C18orf63: variants seen among roughly 807,000 people sequenced by gnomAD.
C18orf63 encodes the protein chromosome 18 open reading frame 63, also known as uncharacterized protein C18orf63.
Under a neutral mutation model 75.3 loss-of-function variants are expected in C18orf63, and 50 were observed. The ratio of observed to expected loss-of-function variants is 0.66; its 90% CI spans 0.53 to 0.84. C18orf63 has a LOEUF of 0.84. C18orf63 is among the 40% of genes least tolerant of loss of function. C18orf63 has a pLI of 0.00. For missense variants in C18orf63, 732 were observed against 800.2 expected, an observed-to-expected ratio of 0.91 and a Z score of 1.03; for synonymous variants, 232 against 267.6, an observed-to-expected ratio of 0.87 and a Z score of 1.30.
At chr18:74,328,974 A>C (rs1364821964) in intron 5 of C18orf63, 21 bp from the exon 6 acceptor site, 1 of 1,382,986 alleles carries the variant, frequency 7.2e-7, no homozygotes, top group Non-Finnish European at 9.9e-7. Flanking sequence ...ATAACATGGC[A>C]TATTCTATGA....
chr18:74,329,879 C>T (rs1984274552), intron 6 of C18orf63, among the ~76,000 whole-genome samples: 1 of 152,136 alleles, frequency 6.6e-6, no homozygotes, highest in South Asian at 2.1e-4. Flanking sequence ...CCTGAGTCAC[C>T]ACCGTAGACA....
intron 11 of C18orf63, among the ~76,000 whole-genome samples, chr18:74,351,188 T>A (rs137878437): frequency 6.6e-6 from 1 of 152,170 alleles, no homozygotes; most frequent in Non-Finnish European, 1.5e-5. Context: ...TTGGGGACTT[T>A]CCGTTTTTCC....
intron 13 of C18orf63, 135 bp downstream of exon 13, chr18:74,354,681 G>A (rs968743316): frequency 1.7e-5 from 10 of 578,822 alleles, no homozygotes; most frequent in Non-Finnish European, 3.1e-5. Context: ...CAAAGAAATA[G>A]GACATGGTGG....
chr18:74,331,824 TC>T (rs1437997718), intron 7 of C18orf63, among the ~76,000 whole-genome samples: 2 of 152,180 alleles, frequency 1.3e-5, no homozygotes, highest in African/African-American at 4.8e-5. Context: ...CAAATGCTAC[TC>T]CTCTATTCAT....
chr18:74,358,293 T>C lies in C18orf63; in HGVS notation c.*1846T>C, dbSNP rs994139409. 6 of 147,552 alleles carry C rather than the reference T, an allele frequency of 4.1e-5. No individual in the cohort carries two copies. The highest frequency in any genetic ancestry group is 1.2e-4 in the African/African-American group (5 of 40,286). 9.1% of individuals were successfully genotyped at this position (147,552 alleles called of 1,614,324 possible). ...GGCAAAACCTGCCATGTTTAGTGTA[T>C]TTTTTTGTATAAAGTAGGTTTGATT... On this transcript the variant is annotated 3_prime_UTR_variant, in exon 14 of 14. Coordinates refer to ENST00000579455, the MANE Select transcript of C18orf63 (RefSeq NM_001174123.2).
At position 74,338,458 on chromosome 18, in the gene C18orf63, A is replaced by G. The variant is rs79774985; in HGVS notation, c.502-257A>G. Among the ~76,000 whole-genome samples, 2,244 of 152,214 alleles carry G rather than the reference A, an allele frequency of 0.015. 90 individuals carry two copies. In the East Asian group the frequency reaches 0.17, roughly 11 times the overall value. ...AAAAACCACCTGAAAACCAACTAAA[A>G]TCACTGCAAAATAGGAGTTTGGGCT... On this transcript the variant is annotated intron_variant, in intron 7 of 13. Coordinates refer to ENST00000579455, the MANE Select transcript of C18orf63 (RefSeq NM_001174123.2).
Position 74,354,270 on chromosome 18 carries a change from T to TAA in C18orf63, c.2001+11_2001+12dup. On this transcript the variant is annotated splice_region_variant and intron_variant, in intron 12 of 13. Coordinates refer to ENST00000579455, the MANE Select transcript of C18orf63 (RefSeq NM_001174123.2). ...CAATCCAGTTCTTCTAAGAAGCAGGTAAAAAAAAAATTAATCTGGCACTAC... is the reference window on the plus strand; with the variant it reads ...CAATCCAGTTCTTCTAAGAAGCAGGTAAAAAAAAAAAATTAATCTGGCACTAC... The TAA allele has an allele frequency of 6.9e-7, 1 of 1,439,736 alleles. No individual in the cohort carries two copies. The highest frequency in any genetic ancestry group is 9.2e-7 in the Non-Finnish European group (1 of 1,091,390). The allele number at this position is 1,439,736 out of a possible 1,614,324, so 89.2% of individuals were successfully genotyped here.
chr18:74,354,585 T>C (rs1377765692), intron 13 of C18orf63, 39 bp downstream of exon 13: 1 of 1,046,992 alleles, frequency 9.6e-7, no homozygotes, highest in Non-Finnish European at 1.4e-6. Context: ...TTTTACATTA[T>C]CTGAATTGGG....
At chr18:74,347,965 A>G (rs577425956) in intron 11 of C18orf63, among the ~76,000 whole-genome samples, 1 of 152,084 alleles carries the variant, frequency 6.6e-6, no homozygotes, top group South Asian at 2.1e-4. Flanking sequence ...TATGGTGTAC[A>G]TTCTCTCTCA....
chr18:74,350,361 T>C (rs1984646840), intron 11 of C18orf63, among the ~76,000 whole-genome samples: 1 of 152,162 alleles, frequency 6.6e-6, no homozygotes, highest in African/African-American at 2.4e-5. Flanking sequence ...TGTGACCTTA[T>C]TTGACATAGG....
chr18:74,340,448 G>C (rs1984462112), intron 8 of C18orf63, among the ~76,000 whole-genome samples: 1 of 152,088 alleles, frequency 6.6e-6, no homozygotes, highest in African/African-American at 2.4e-5. Context: ...CACTATGGAG[G>C]TTCCTCAAAA....
In C18orf63 at chr18:74,354,153, T is replaced by C; in HGVS notation, c.1886T>C (p.Val629Ala). Residue 629 changes from valine to alanine, a missense_variant, in exon 12 of 14, where the codon GTA becomes GCA. By Grantham distance (64) the Val-to-Ala change is moderately conservative. This residue lies in a region of C18orf63 where 495 missense variants were observed against 508.7 expected (regional missense o/e 0.97). Coordinates refer to ENST00000579455, the MANE Select transcript of C18orf63 (RefSeq NM_001174123.2). The stretch of plus-strand genomic sequence containing the variant: ...GGTACAAGTGACCACAGGTTGATAG[T>C]AAGCAAAATAGCCCACAGGTCTAAA... ...EVGTSDHRLI[V>A]SKIAHRSKRK... 6.5e-7 allele frequency: 1 copy of C among 1,536,324 alleles called. No individual in the cohort carries two copies. The highest frequency in any genetic ancestry group is 8.7e-7 in the Non-Finnish European group (1 of 1,146,946).
intron 11 of C18orf63, among the ~76,000 whole-genome samples, chr18:74,348,651 C>T (rs1282731373): frequency 6.6e-6 from 1 of 152,136 alleles, no homozygotes; most frequent in African/African-American, 2.4e-5. Context: ...GCCAATGACA[C>T]TTGGCAGAAT....
chr18:74,345,351 G>A (rs62097364), intron 11 of C18orf63, among the ~76,000 whole-genome samples: 327 of 151,850 alleles, frequency 2.2e-3, no homozygotes, highest in African/African-American at 7.0e-3. Flanking sequence ...GTGTCTTGGT[G>A]TCTTAATAGT....
At chr18:74,343,473 G>T in intron 10 of C18orf63, 46 bp from the exon 11 acceptor site, 5 of 1,246,086 alleles carry the variant, frequency 4.0e-6, no homozygotes, top group Non-Finnish European at 5.4e-6. Flanking sequence ...ATAAATTTCT[G>T]CCTCTTATGT....
At chr18:74,331,048 C>T in intron 7 of C18orf63, 106 bp downstream of exon 7, 1 of 411,766 alleles carries the variant, frequency 2.4e-6, no homozygotes, top group Admixed American at 4.4e-5. Flanking sequence ...ATAAAGCGTG[C>T]TAGAAAGGTT....
Position 74,343,563 on chromosome 18 carries a change from C to A in C18orf63, c.839C>A (p.Pro280Gln). 1 of 1,534,414 alleles carries A rather than the reference C, an allele frequency of 6.5e-7. No individual in the cohort carries two copies. The highest frequency in any genetic ancestry group is 8.7e-7 in the Non-Finnish European group (1 of 1,145,732). The change falls in exon 11 of 14, where the codon CCA becomes CAA. Residue 280 changes from proline (P) to glutamine (Q), a missense_variant. Pro to Gln is a moderately conservative substitution (Grantham distance 76). This residue lies in a region of C18orf63 where 495 missense variants were observed against 508.7 expected (regional missense o/e 0.97). Coordinates refer to ENST00000579455, the MANE Select transcript of C18orf63 (RefSeq NM_001174123.2). The stretch of plus-strand genomic sequence containing the variant: ...AGAAGTCAGCCCATGCAGTTCTTTC[C>A]AAGGGTAGATTCGGAAGTTGTGTTG... ...CIRSQPMQFF[P>Q]RVDSEVVLKS...
chr18:74,321,164 T>C (rs922287157), intron 3 of C18orf63, among the ~76,000 whole-genome samples: 1 of 152,220 alleles, frequency 6.6e-6, no homozygotes, highest in Non-Finnish European at 1.5e-5. Context: ...TTTTCTGATA[T>C]TTTAATTCCC....
intron 11 of C18orf63, among the ~76,000 whole-genome samples, chr18:74,350,268 A>C (rs1388122528): frequency 6.6e-6 from 1 of 152,148 alleles, no homozygotes; most frequent in Non-Finnish European, 1.5e-5. Context: ...TCTCTCCAGA[A>C]GTGTATATCC....
Sources: allele counts gnomAD v4.1 joint callset (sites outside exome capture counted in the v4.1 genomes callset), GRCh38; gene constraint gnomAD v4.1.1; regional missense constraint gnomAD v4.1.1; transcripts MANE v1.5; gene names NCBI Gene and HGNC (gene_info 2026-07-23, HGNC 2026-07-21).